Variants in CYP2A13 observed in about 807,000 individuals in gnomAD.
CYP2A13 encodes cytochrome P450 family 2 subfamily A member 13.
Under a neutral mutation model 39.4 loss-of-function variants are expected in CYP2A13, and 30 were observed. That is an observed-to-expected ratio of 0.76 (90% CI 0.57 to 1.03). The LOEUF (loss-of-function observed/expected upper bound fraction) is 1.03, where lower values mean the gene tolerates loss of function less well. Among genes scored for constraint, CYP2A13 ranks in the 50% least tolerant of loss-of-function variants. The probability of loss-of-function intolerance (pLI) is 0.00; values close to 1 mark genes in which losing one functional copy is unlikely to be tolerated. For missense variants in CYP2A13, 731 were observed against 648.4 expected (o/e 1.13, Z -1.38); for synonymous variants, 269 against 254.7 (o/e 1.06, Z -0.54).
intron 8 of CYP2A13, 106 bp downstream of exon 8, chr19:41,095,206 G>C: frequency 6.2e-7 from 1 of 1,606,538 alleles, no homozygotes; most frequent in African/African-American, 1.3e-5. Context: ...CAGCTTGGAA[G>C]TTCCTGTTAG....
At chr19:41,089,207 GTCT>G in intron 2 of CYP2A13, 116 bp downstream of exon 2, 1 of 1,525,438 alleles carries the variant, frequency 6.6e-7, no homozygotes, top group Non-Finnish European at 8.8e-7. Context: ...CCCCTGTCTG[GTCT>G]TCTCTCCCCA....
chr19:41,089,804 GTCTCTCTCTCTCTCTCTC>G (rs752348205), intron 2 of CYP2A13, among the ~76,000 whole-genome samples: 1,033 of 26,526 alleles, frequency 0.039, 71 homozygotes, highest in East Asian at 0.062. Flanking sequence ...TTTCTACCCG[GTCTCTCTCTCTCTCTCTC>G]TCTCTCTCTC....
Position 41,088,987 on chromosome 19 carries a change from T to C in CYP2A13, c.239T>C (p.Val80Ala), listed in dbSNP as rs144948114. The change falls in exon 2 of 9, where the codon GTG becomes GCG. Residue 80 changes from valine to alanine, a missense_variant. Val to Ala is a moderately conservative substitution (Grantham distance 64). Transcript: ENST00000330436. ...CACTTGGGGCCCCGGCGGGTCGTGG[T>C]GCTGTGCGGACATGATGCCGTCAAG... ...TIHLGPRRVVVLCGHDAVKEA... is the reference protein window; with the variant it reads ...TIHLGPRRVVALCGHDAVKEA... 1.1e-5 allele frequency: 18 copies of C among 1,613,824 alleles called. No homozygotes were observed. In the Admixed American group the frequency reaches 2.8e-4, roughly 25 times the overall value.
Position 41,089,096 on chromosome 19 carries a change from G to A in CYP2A13, c.343+5G>A, listed in dbSNP as rs766777199. 1.7e-5 allele frequency: 27 copies of A among 1,611,822 alleles called. No individual in the cohort carries two copies. The African/African-American group carries it at 3.3e-4, about 20-fold the overall frequency. On this transcript the variant is annotated splice_donor_5th_base_variant and intron_variant, in intron 2 of 8. Transcript: ENST00000330436. ...ACTGGCTCTTCAAAGGCTATGGTGA[G>A]GGGGTGCCCAAGAGGGGGAAGGTGG...
rs1184139103 is a variant in CYP2A13, at chr19:41,095,895, T to C, written c.1439T>C (p.Phe480Ser). The C allele has an allele frequency of 6.2e-7, 1 of 1,613,990 alleles. No individual in the cohort carries two copies. The highest frequency in any genetic ancestry group is 8.5e-7 in the Non-Finnish European group (1 of 1,179,920). The part of the protein sequence containing the change: ...DIDVSPKHVG[F>S]ATIPRNYTMS... ...GACGTGTCCCCCAAACACGTGGGCT[T>C]TGCCACGATCCCACGAAACTACACC... Residue 480 changes from phenylalanine to serine, a missense_variant, in exon 9 of 9, where the codon TTT becomes TCT. Transcript: ENST00000330436.
rs1396794105 is a variant in CYP2A13 at position 41,093,626 on chromosome 19, G to T, written c.832-4G>T. The stretch of plus-strand genomic sequence containing the variant: ...GCTTGGTCTAAACCGCCCTCTCCCT[G>T]CAGGAGGAGAAGAACCCCAACACAG... On this transcript the variant is annotated splice_region_variant and splice_polypyrimidine_tract_variant and intron_variant, in intron 5 of 8. Coordinates refer to ENST00000330436, the MANE Select transcript of CYP2A13 (RefSeq NM_000766.5). 2 of 1,613,954 alleles carry T rather than the reference G, an allele frequency of 1.2e-6. No homozygotes were observed. The highest frequency in any genetic ancestry group is 8.5e-7 in the Non-Finnish European group (1 of 1,179,984).
chr19:41,089,860 C>G (rs1011094402), intron 2 of CYP2A13, among the ~76,000 whole-genome samples, 187 bp from the exon 3 acceptor site: 5 of 103,894 alleles, frequency 4.8e-5, no homozygotes, highest in African/African-American at 1.6e-4. Flanking sequence ...CTCTCTCTCT[C>G]TCTCTCTCTC....
chr19:41,092,531 A>G (rs190985870), intron 5 of CYP2A13, among the ~76,000 whole-genome samples: 2 of 152,262 alleles, frequency 1.3e-5, no homozygotes, highest in East Asian at 1.9e-4. Flanking sequence ...AGGAGGTTCA[A>G]TCATGGCCCC....
intron 7 of CYP2A13, 62 bp from the exon 8 acceptor site, chr19:41,094,897 T>C: frequency 6.3e-7 from 1 of 1,596,886 alleles, no homozygotes; most frequent in East Asian, 2.2e-5. Context: ...CTGCAGCCCC[T>C]GTGTACTTTC....
At position 41,095,872 on chromosome 19, in the gene CYP2A13, C is replaced by A; in HGVS notation, c.1416C>A (p.Asp472Glu). ...FKSPQSPKDI[D>E]VSPKHVGFAT... The stretch of plus-strand genomic sequence containing the variant: ...CCCCTCAGTCGCCTAAGGATATCGA[C>A]GTGTCCCCCAAACACGTGGGCTTTG... The change falls in exon 9 of 9, where the codon GAC becomes GAA. Residue 472 changes from aspartate (D) to glutamate (E), a missense_variant. Physicochemically the swap from Asp to Glu is conservative, Grantham distance 45. Coordinates refer to ENST00000330436, the MANE Select transcript of CYP2A13 (RefSeq NM_000766.5). 6.2e-7 allele frequency: 1 copy of A among 1,613,978 alleles called. No individual in the cohort carries two copies. Among genetic ancestry groups the A allele is most frequent in the Non-Finnish European group, 8.5e-7 (1 of 1,179,882 alleles).
chr19:41,092,968 C>A (rs974828720), intron 5 of CYP2A13, among the ~76,000 whole-genome samples: 1 of 152,114 alleles, frequency 6.6e-6, no homozygotes, highest in African/African-American at 2.4e-5. Context: ...TTCTCTTCGT[C>A]TCCCCTCATC....
chr19:41,089,015 G>A lies in CYP2A13; in HGVS notation c.267G>A (p.Glu89=), dbSNP rs368928941. ...TGTGCGGACATGATGCCGTCAAGGA[G>A]GCTCTGGTGGACCAGGCTGAGGAGT... is the stretch of plus-strand genomic sequence containing the variant. ...VVLCGHDAVK[E]ALVDQAEEFS... is the part of the protein sequence containing the mutation. Residue 89 remains glutamate (E), a synonymous_variant, in exon 2 of 9, where the codon GAG becomes GAA. Transcript: ENST00000330436. 6.2e-6 allele frequency: 10 copies of A among 1,613,700 alleles called. No homozygotes were observed. The African/African-American group carries it at 1.3e-4, about 22-fold the overall frequency.
In CYP2A13 at chr19:41,095,944, G is replaced by C. The variant is rs750666478; in HGVS notation, c.*3G>C. ...CCATGAGCTTCCTGCCCCGCTGAGCGAGGGCTGTGCTGGTGCAGGGCTGGT... is the reference window on the plus strand; with the variant it reads ...CCATGAGCTTCCTGCCCCGCTGAGCCAGGGCTGTGCTGGTGCAGGGCTGGT... On this transcript the variant is annotated 3_prime_UTR_variant, in exon 9 of 9. Coordinates refer to ENST00000330436, the MANE Select transcript of CYP2A13 (RefSeq NM_000766.5). 1 of 1,612,748 alleles carries C rather than the reference G, an allele frequency of 6.2e-7. No homozygotes were observed. Among genetic ancestry groups the C allele is most frequent in the South Asian group, 1.1e-5 (1 of 91,044 alleles).
At chr19:41,092,056 C>A in intron 5 of CYP2A13, 148 bp downstream of exon 5, 6 of 1,279,218 alleles carry the variant, frequency 4.7e-6, no homozygotes, top group Non-Finnish European at 5.3e-6. Context: ...GGCTCATGAC[C>A]TGTAATCCCA....
At chr19:41,094,539 CCTCA>C in intron 7 of CYP2A13, 107 bp downstream of exon 7, 21 of 1,322,688 alleles carry the variant, frequency 1.6e-5, no homozygotes, top group Non-Finnish European at 2.2e-5. Flanking sequence ...TGTCCCACTC[CCTCA>C]ATCAGTCAAA....
Position 41,094,438 on chromosome 19 carries a change from G to A in CYP2A13, c.1161+6G>A. ...GGGATTTCTTCCTCCCTAAGGTGCT[G>A]TCTCCCCTCCACCACCACCACTCAG... On this transcript the variant is annotated splice_donor_region_variant and intron_variant, in intron 7 of 8. Coordinates refer to ENST00000330436, the MANE Select transcript of CYP2A13 (RefSeq NM_000766.5). The A allele has an allele frequency of 1.1e-5, 17 of 1,614,012 alleles. No individual in the cohort carries two copies. The highest frequency in any genetic ancestry group is 1.4e-5 in the Non-Finnish European group (17 of 1,179,984).
In CYP2A13 at chr19:41,088,962, C is replaced by G. The variant is rs2031102649; in HGVS notation, c.214C>G (p.His72Asp). Residue 72 changes from histidine to aspartate, a missense_variant, in exon 2 of 9, where the codon CAC becomes GAC. Physicochemically the swap from His to Asp is moderately conservative, Grantham distance 81. Transcript: ENST00000330436. ...GCGCTATGGCCCTGTGTTCACCATT[C>G]ACTTGGGGCCCCGGCGGGTCGTGGT... ...SERYGPVFTI[H>D]LGPRRVVVLC... 3 of 1,614,018 alleles carry G rather than the reference C, an allele frequency of 1.9e-6. No homozygotes were observed. The highest frequency in any genetic ancestry group is 2.5e-6 in the Non-Finnish European group (3 of 1,179,932).
At chr19:41,088,719 G>A in intron 1 of CYP2A13, 68 bp downstream of exon 1, 1 of 1,577,306 alleles carries the variant, frequency 6.3e-7, no homozygotes, top group Non-Finnish European at 8.6e-7. Context: ...CTTTGTGGCA[G>A]GGGATTGACC....
chr19:41,094,227 A>T lies in CYP2A13; in HGVS notation c.974-18A>T. The T allele has an allele frequency of 1.9e-6, 3 of 1,613,340 alleles. No homozygotes were observed. The highest frequency in any genetic ancestry group is 1.7e-6 in the Non-Finnish European group (2 of 1,179,524). The stretch of plus-strand genomic sequence containing the variant: ...CTAAGACCCCTAGACACCTAAACAC[A>T]TTCCCCTCCTCCCCCAGCCAAGGTC... On this transcript the variant is annotated intron_variant, in intron 6 of 8. Transcript: ENST00000330436.
Sources: gnomAD v4.1 joint callset for allele counts (sites outside exome capture counted in the v4.1 genomes callset) on GRCh38, gnomAD v4.1.1 for gene constraint, MANE v1.5 for transcripts, NCBI Gene and HGNC (gene_info 2026-07-23, HGNC 2026-07-21) for gene names.